The following ABHD16A variants were observed in gnomAD, a reference collection of about 807,000 sequenced individuals.
ABHD16A encodes the protein abhydrolase domain containing 16A, phospholipase, also known as phosphatidylserine lipase ABHD16A.
ABHD16A carries 47 observed loss-of-function variants against 89.8 expected under a neutral mutation model. That is an observed-to-expected ratio of 0.52 (90% CI 0.41 to 0.67). ABHD16A has a LOEUF of 0.67. Ranked by LOEUF, ABHD16A falls within the 30% of genes least tolerant of loss-of-function variation. The pLI is 0.00. For synonymous variants in ABHD16A, 251 were observed against 280.4 expected (o/e 0.90, Z 1.05); for missense variants, 580 against 734.6 (o/e 0.79, Z 2.43).
chr6:31,692,454 T>C (rs959094782), intron 7 of ABHD16A, among the ~76,000 whole-genome samples: 1 of 152,234 alleles, frequency 6.6e-6, no homozygotes, highest in Non-Finnish European at 1.5e-5. Context: ...TGTTCCACTA[T>C]AAGATATAGG....
At chr6:31,691,368 T>C in intron 9 of ABHD16A, 2 of 557,954 alleles carry the variant, frequency 3.6e-6, no homozygotes, top group Non-Finnish European at 3.2e-6. Context: ...TAACTATTAA[T>C]ATTAGTTTCT....
chr6:31,691,501 G>T, intron 9 of ABHD16A, 78 bp downstream of exon 9: 1 of 1,312,522 alleles, frequency 7.6e-7, no homozygotes, highest in Non-Finnish European at 1.1e-6. Flanking sequence ...TCAGGGAGGT[G>T]CTATAGCATT....
Position 31,691,832 on chromosome 6 carries a change from A to G in ABHD16A, c.713T>C (p.Leu238Pro). 1 of 1,611,170 alleles carries G rather than the reference A, an allele frequency of 6.2e-7. No homozygotes were observed. Among genetic ancestry groups the G allele is most frequent in the Non-Finnish European group, 8.5e-7 (1 of 1,179,326 alleles). ...TTCCACCAGTCGGGCCTGGCCCTGCAGCAGCACAGGCATGAGGGCCTTCTG... is the reference window on the plus strand; with the variant it reads ...TTCCACCAGTCGGGCCTGGCCCTGCGGCAGCACAGGCATGAGGGCCTTCTG... ...LLQKALMPVL[L>P]QGQARLVEEC... Residue 238 changes from leucine (L) to proline (P), a missense_variant, in exon 8 of 20, where the codon CTG (leucine) becomes CCG (proline). This residue lies in a region of ABHD16A where 415 missense variants were observed against 568.8 expected (regional missense o/e 0.73). Transcript: ENST00000395952.
At chr6:31,702,803 G>C (rs1190090146) in intron 1 of ABHD16A, 2 of 1,429,334 alleles carry the variant, frequency 1.4e-6, no homozygotes, top group East Asian at 5.5e-5. Flanking sequence ...CTGGGAGTCT[G>C]ACAGCAAAAT....
Position 31,687,660 on chromosome 6 carries a change from C to T in ABHD16A, c.1528G>A (p.Asp510Asn), listed in dbSNP as rs1429221444. Residue 510 changes from aspartate (D) to asparagine (N), a missense_variant, in exon 18 of 20, where the codon GAC (aspartate) becomes AAC (asparagine). Coordinates refer to ENST00000395952, the MANE Select transcript of ABHD16A (RefSeq NM_021160.3). This position sits in a 1 kb window ranked among gnomAD's most constrained non-coding sequence, Gnocchi z 6.3. ...TCCTTACCCACGCTCCAGGGGAAGTCGGGCCCGTGTTCTGCCTGGTAGGAG... is the reference window on the plus strand; with the variant it reads ...TCCTTACCCACGCTCCAGGGGAAGTTGGGCCCGTGTTCTGCCTGGTAGGAG... ...LRSYQAEHGP[D>N]FPWSVGEDMS... The T allele has an allele frequency of 2.5e-6, 4 of 1,612,792 alleles. No individual in the cohort carries two copies. Among genetic ancestry groups the T allele is most frequent in the Middle Eastern group, 1.6e-4 (1 of 6,084 alleles).
chr6:31,701,397 T>G, intron 2 of ABHD16A, 57 bp from the exon 3 acceptor site: 1 of 1,398,938 alleles, frequency 7.1e-7, no homozygotes, highest in Non-Finnish European at 1.0e-6. Flanking sequence ...ACACCTGCCA[T>G]TCCAGGCATA....
rs370817293 is a variant in ABHD16A at position 31,687,560 on chromosome 6, G to A, written c.1547-16C>T. 8 of 1,612,958 alleles carry A rather than the reference G, an allele frequency of 5.0e-6. No individual in the cohort carries two copies. The highest frequency in any genetic ancestry group is 1.6e-4 in the Middle Eastern group (1 of 6,062). On this transcript the variant is annotated splice_polypyrimidine_tract_variant and intron_variant, in intron 18 of 19. Transcript: ENST00000395952. This position sits in a 1 kb window ranked among gnomAD's most constrained non-coding sequence, Gnocchi z 6.3. ...ATGTCCTCCCCTGCAGAGAGGAGGCGCTCAAAATAGGCCACACATCTGGGT... is the reference window on the plus strand; with the variant it reads ...ATGTCCTCCCCTGCAGAGAGGAGGCACTCAAAATAGGCCACACATCTGGGT...
Position 31,690,524 on chromosome 6 carries a change from G to C in ABHD16A, c.907+15C>G. ...TTCAAAGGGCGGAGATAAGGAGGCT[G>C]AGTCACCGTCCTACCTTCCAGGGGC... On this transcript the variant is annotated intron_variant, in intron 10 of 19. Coordinates refer to ENST00000395952, the MANE Select transcript of ABHD16A (RefSeq NM_021160.3). The surrounding 1 kb of genome is among the most constrained non-coding windows in gnomAD (Gnocchi z 4.1). 6.2e-7 allele frequency: 1 copy of C among 1,612,756 alleles called. No individual in the cohort carries two copies. The highest frequency in any genetic ancestry group is 8.5e-7 in the Non-Finnish European group (1 of 1,179,732).
Position 31,688,873 on chromosome 6 carries a change from G to C in ABHD16A, c.1187-87C>G. On this transcript the variant is annotated intron_variant, in intron 13 of 19. Transcript: ENST00000395952. The surrounding 1 kb of genome is among the most constrained non-coding windows in gnomAD (Gnocchi z 4.9). ...TCACTATTCACGGAGAAAGAAAACT[G>C]AGGCCCCCAGACAAAGGAGTCCTCC... is the stretch of plus-strand genomic sequence containing the variant. 1 of 1,477,494 alleles carries C rather than the reference G, an allele frequency of 6.8e-7. No individual in the cohort carries two copies. Among genetic ancestry groups the C allele is most frequent in the Non-Finnish European group, 9.3e-7 (1 of 1,075,980 alleles). 91.5% of individuals were successfully genotyped at this position (1,477,494 alleles called of 1,614,324 possible). A position where few individuals can be genotyped will look rare whatever the true frequency, so the allele number is the denominator to read the frequency against.
intron 7 of ABHD16A, 124 bp downstream of exon 7, chr6:31,692,903 A>G (rs777460971): frequency 2.2e-6 from 3 of 1,357,876 alleles, no homozygotes; most frequent in Non-Finnish European, 3.1e-6. Context: ...TAAATGATCT[A>G]CACAAACCAT....
Position 31,687,780 on chromosome 6 carries a change from C to T in ABHD16A, c.1448-40G>A. On this transcript the variant is annotated intron_variant, in intron 17 of 19. Transcript: ENST00000395952. This position sits in a 1 kb window ranked among gnomAD's most constrained non-coding sequence, Gnocchi z 6.3. ...AGATGACAGCCAGTCAGCAACCTGA[C>T]CTTGCTGGGCCCCCGCCCCAAGCCT... The T allele has an allele frequency of 6.2e-7, 1 of 1,612,850 alleles. No individual in the cohort carries two copies. The highest frequency in any genetic ancestry group is 8.5e-7 in the Non-Finnish European group (1 of 1,179,894).
chr6:31,700,817 C>T, intron 4 of ABHD16A, 125 bp downstream of exon 4: 1 of 744,506 alleles, frequency 1.3e-6, no homozygotes, highest in Non-Finnish European at 2.3e-6. Flanking sequence ...AAAGATCATG[C>T]CTTAAACCAT....
chr6:31,697,124 A>G, intron 4 of ABHD16A, 91 bp from the exon 5 acceptor site: 1 of 1,167,594 alleles, frequency 8.6e-7, no homozygotes, highest in Non-Finnish European at 1.3e-6. Context: ...GGCTAGAAGA[A>G]GGCCCTGTAA....
intron 12 of ABHD16A, 113 bp from the exon 13 acceptor site, chr6:31,689,232 C>A (rs1241135122): frequency 1.0e-6 from 1 of 992,526 alleles, no homozygotes; most frequent in East Asian, 2.6e-5. Flanking sequence ...CCTATGTTAT[C>A]CCTTGTTTTT....
intron 9 of ABHD16A, chr6:31,691,308 T>C: frequency 2.4e-6 from 1 of 424,060 alleles, no homozygotes; most frequent in African/African-American, 1.9e-5. Context: ...ATATGCTTCA[T>C]ATATATATGA....
chr6:31,688,384 G>A lies in ABHD16A; in HGVS notation c.1251-79C>T, dbSNP rs544671606. ...CTGGCCCACCCCTATCCCTGCACTGGTAGCATTCTTACCCTCCCCTTGCTA... is the reference window on the plus strand; with the variant it reads ...CTGGCCCACCCCTATCCCTGCACTGATAGCATTCTTACCCTCCCCTTGCTA... On this transcript the variant is annotated intron_variant, in intron 14 of 19. Coordinates refer to ENST00000395952, the MANE Select transcript of ABHD16A (RefSeq NM_021160.3). This position sits in a 1 kb window ranked among gnomAD's most constrained non-coding sequence, Gnocchi z 4.9. 2.3e-5 allele frequency: 33 copies of A among 1,418,786 alleles called. 1 individual carries two copies. In the East Asian group the frequency reaches 4.3e-4, roughly 19 times the overall value. The allele number at this position is 1,418,786 out of a possible 1,614,324, so 87.9% of individuals were successfully genotyped here. A position where few individuals can be genotyped will look rare whatever the true frequency, so the allele number is the denominator to read the frequency against.
chr6:31,699,718 A>G (rs1804742381), intron 4 of ABHD16A, among the ~76,000 whole-genome samples: 1 of 151,928 alleles, frequency 6.6e-6, no homozygotes, highest in Admixed American at 6.6e-5. Flanking sequence ...GACTATAGGC[A>G]TGTGCCACCA....
chr6:31,700,515 C>T (rs1344975909), intron 4 of ABHD16A, among the ~76,000 whole-genome samples: 2 of 152,182 alleles, frequency 1.3e-5, no homozygotes, highest in Admixed American at 1.3e-4. Context: ...ATGCTGTATT[C>T]TTGTACATCT....
intron 5 of ABHD16A, among the ~76,000 whole-genome samples, chr6:31,696,234 G>A (rs1400068778): frequency 6.6e-6 from 1 of 152,030 alleles, no homozygotes; most frequent in Non-Finnish European, 1.5e-5. Flanking sequence ...AGGAGGCTGA[G>A]GCATGAGCAT....
Sources: allele counts gnomAD v4.1 joint callset (sites outside exome capture counted in the v4.1 genomes callset), GRCh38; gene constraint gnomAD v4.1.1; regional missense constraint gnomAD v4.1.1; non-coding constraint Gnocchi (gnomAD v3.1); transcripts MANE v1.5; gene names NCBI Gene and HGNC (gene_info 2026-07-23, HGNC 2026-07-21).